EYS: variants seen among roughly 807,000 people sequenced by gnomAD.
EYS encodes protein eyes shut homolog.
In EYS, 250 loss-of-function variants were observed where a neutral mutation model predicts 282.1. That is an observed-to-expected ratio of 0.89 (90% CI 0.80 to 0.98). The LOEUF (loss-of-function observed/expected upper bound fraction) is 0.98. Among genes scored for constraint, EYS ranks in the 50% least tolerant of loss-of-function variants. The pLI, the probability that EYS is intolerant of heterozygous loss-of-function variation, is 0.00. For synonymous variants in EYS, 1,355 were observed against 1,282.9 expected (o/e 1.06, Z -1.20); for missense variants, 4,016 against 3,709.0 (o/e 1.08, Z -2.15).
intron 11 of EYS, among the ~76,000 whole-genome samples, chr6:65,301,375 A>G (rs951835098): frequency 6.6e-6 from 1 of 152,182 alleles, no homozygotes; most frequent in East Asian, 1.9e-4. Flanking sequence ...TCATAGAGGA[A>G]CTACACCTTC....
intron 26 of EYS, among the ~76,000 whole-genome samples, chr6:64,476,584 T>C (rs1228794645): frequency 6.6e-6 from 1 of 152,116 alleles, no homozygotes; most frequent in Admixed American, 6.6e-5. Context: ...AAGGTGATCA[T>C]TTTGAATTTT....
intron 22 of EYS, among the ~76,000 whole-genome samples, chr6:64,807,470 G>A (rs890858645): frequency 4.4e-4 from 67 of 151,950 alleles, no homozygotes; most frequent in African/African-American, 1.5e-3. Context: ...AGCTAGAAAT[G>A]AAATCATCAG....
chr6:65,318,966 T>A (rs1447807663), intron 11 of EYS, among the ~76,000 whole-genome samples: 1 of 151,710 alleles, frequency 6.6e-6, no homozygotes, highest in Non-Finnish European at 1.5e-5. Context: ...TTGTGAATTC[T>A]ATTTTTTTCT....
At chr6:65,529,744 TCA>T (rs1310375773) in intron 2 of EYS, among the ~76,000 whole-genome samples, 15 of 152,268 alleles carry the variant, frequency 9.9e-5, no homozygotes, top group Admixed American at 4.6e-4. Flanking sequence ...GATGTAATAA[TCA>T]TTACAGCCCT....
At chr6:64,542,963 T>G (rs1170524618) in intron 26 of EYS, among the ~76,000 whole-genome samples, 1 of 152,066 alleles carries the variant, frequency 6.6e-6, no homozygotes, top group Non-Finnish European at 1.5e-5. Context: ...ATGCATTAGG[T>G]ACAAGTGCCT....
Position 63,721,469 on chromosome 6 carries a change from A to G in EYS, c.8562T>C (p.Asn2854=). Residue 2854 remains asparagine (N), a synonymous_variant, in exon 43 of 43, where the codon AAT becomes AAC. Coordinates refer to ENST00000503581, the MANE Select transcript of EYS (RefSeq NM_001142800.2). ...ATTCAGTTAATTGTAATTCTTGATT[A>G]TTTATGATAACTTGTCGGATACAGC... ...FQGCIRQVII[N]NQELQLTEFG... The G allele has an allele frequency of 6.4e-7, 1 of 1,551,622 alleles. No individual in the cohort carries two copies. The highest frequency in any genetic ancestry group is 8.7e-7 in the Non-Finnish European group (1 of 1,146,890).
At chr6:65,615,385 T>TA (rs1766149243) in intron 2 of EYS, among the ~76,000 whole-genome samples, 2 of 86,604 alleles carry the variant, frequency 2.3e-5, no homozygotes, top group African/African-American at 8.4e-5. Flanking sequence ...ATTTTATTTA[T>TA]TTATATATAT....
At chr6:64,788,235 G>A (rs145465744) in intron 22 of EYS, among the ~76,000 whole-genome samples, 8 of 152,196 alleles carry the variant, frequency 5.3e-5, no homozygotes, top group East Asian at 3.9e-4. Context: ...GGAGGGATCC[G>A]GCTGTTTCAG....
chr6:64,297,221 G>A (rs1238187839), intron 30 of EYS, among the ~76,000 whole-genome samples: 3 of 109,958 alleles, frequency 2.7e-5, no homozygotes, highest in African/African-American at 1.0e-4. Context: ...CTAGATGGTG[G>A]TCATTGTCAC....
chr6:65,603,155 A>T (rs562115817), intron 2 of EYS, among the ~76,000 whole-genome samples: 3 of 152,098 alleles, frequency 2.0e-5, no homozygotes, highest in Non-Finnish European at 4.4e-5. Context: ...CAAATAACAG[A>T]ATGATACACC....
intron 22 of EYS, among the ~76,000 whole-genome samples, chr6:64,680,736 T>C (rs748702496): frequency 5.9e-5 from 9 of 152,174 alleles, no homozygotes; most frequent in Non-Finnish European, 1.2e-4. Context: ...ACCTTAGCCC[T>C]AGTTTGCTTG....
intron 5 of EYS, among the ~76,000 whole-genome samples, chr6:65,438,319 G>A (rs549668124): frequency 3.8e-4 from 58 of 152,128 alleles, no homozygotes; most frequent in African/African-American, 1.3e-3. Flanking sequence ...ATAAACATAC[G>A]TGTGCATGTG....
intron 37 of EYS, among the ~76,000 whole-genome samples, chr6:63,798,963 G>GTATATATATA (rs1231377496): frequency 3.6e-5 from 4 of 110,910 alleles, no homozygotes; most frequent in African/African-American, 1.4e-4. Flanking sequence ...ATGTATATGT[G>GTATATATATA]TATATATATA....
chr6:65,505,343 A>G (rs2127281193), intron 2 of EYS, among the ~76,000 whole-genome samples: 1 of 151,722 alleles, frequency 6.6e-6, no homozygotes, highest in South Asian at 2.1e-4. Context: ...TTTTATTAAT[A>G]TTTTCAAATA....
intron 22 of EYS, among the ~76,000 whole-genome samples, chr6:64,812,751 A>G (rs73448465): frequency 7.5e-5 from 11 of 146,722 alleles, no homozygotes; most frequent in African/African-American, 2.7e-4. Flanking sequence ...GTATGTGTGT[A>G]TATTTTTTAA....
At chr6:65,264,079 T>G (rs1483704664) in intron 12 of EYS, among the ~76,000 whole-genome samples, 1 of 152,044 alleles carries the variant, frequency 6.6e-6, no homozygotes. Context: ...AAATAATATC[T>G]CTGCAGTAAA....
chr6:64,578,621 G>GGTGTGT (rs148608224), intron 26 of EYS, among the ~76,000 whole-genome samples: 5 of 145,310 alleles, frequency 3.4e-5, no homozygotes, highest in Admixed American at 1.4e-4. Context: ...GTGTGTGTGT[G>GGTGTGT]GTGTGTGTGT....
chr6:63,815,139 G>A (rs531546234), intron 36 of EYS, among the ~76,000 whole-genome samples: 1 of 152,198 alleles, frequency 6.6e-6, no homozygotes, highest in South Asian at 2.1e-4. Flanking sequence ...CTGTTTAGAT[G>A]CACTATTGTA....
chr6:64,259,449 T>A (rs1253058527), intron 30 of EYS, among the ~76,000 whole-genome samples: 1 of 152,004 alleles, frequency 6.6e-6, no homozygotes, highest in African/African-American at 2.4e-5. Flanking sequence ...CTTGCCAGAT[T>A]CACAACCCAA....
Sources: allele counts gnomAD v4.1 joint callset (sites outside exome capture counted in the v4.1 genomes callset), GRCh38; gene constraint gnomAD v4.1.1; transcripts MANE v1.5; gene names NCBI Gene and HGNC (gene_info 2026-07-23, HGNC 2026-07-21).